The following NOS1 variants were observed in gnomAD, a reference collection of about 807,000 sequenced individuals.
The protein encoded by NOS1 is nitric oxide synthase 1, also known as NOS type I.
In NOS1, 51 loss-of-function variants were observed where a neutral mutation model predicts 164.5. The observed-to-expected ratio is 0.31, with a 90% confidence interval of 0.25 to 0.39. The LOEUF (loss-of-function observed/expected upper bound fraction) is 0.39, where lower values mean the gene tolerates loss of function less well. Among genes scored for constraint, NOS1 ranks in the 10% least tolerant of loss-of-function variants. NOS1 has a pLI of 1.00. For missense variants in NOS1, 1,362 were observed against 1,885.6 expected (o/e 0.72, Z 5.14); for synonymous variants, 719 against 745.8 (o/e 0.96, Z 0.59).
intron 3 of NOS1, among the ~76,000 whole-genome samples, chr12:117,303,641 T>C (rs1371329586): frequency 6.6e-6 from 1 of 152,192 alleles, no homozygotes; most frequent in Non-Finnish European, 1.5e-5. Context: ...AGGGTTTGAC[T>C]GATGCTTAAT....
intron 1 of NOS1, among the ~76,000 whole-genome samples, chr12:117,336,888 C>G (rs1040800889): frequency 3.9e-5 from 6 of 151,996 alleles, no homozygotes; most frequent in Non-Finnish European, 7.4e-5. Flanking sequence ...CCTCCACCTC[C>G]CAGGCTCAAG....
chr12:117,347,836 C>T (rs1365691935), intron 1 of NOS1, among the ~76,000 whole-genome samples: 1 of 152,176 alleles, frequency 6.6e-6, no homozygotes, highest in African/African-American at 2.4e-5. Flanking sequence ...AAGTCTGAAT[C>T]TGTTTCTTCT....
intron 1 of NOS1, among the ~76,000 whole-genome samples, chr12:117,333,947 A>C (rs909942149): frequency 6.6e-6 from 1 of 152,166 alleles, no homozygotes; most frequent in Non-Finnish European, 1.5e-5. Context: ...TCTCTTGAGC[A>C]TCCCGTTTGG....
At chr12:117,235,759 C>T (rs891551848) in intron 20 of NOS1, among the ~76,000 whole-genome samples, 3 of 152,122 alleles carry the variant, frequency 2.0e-5, no homozygotes, top group African/African-American at 7.2e-5. Context: ...AGTTTCAGTA[C>T]AGGCTGGGCA....
At chr12:117,316,824 G>A (rs759558659) in intron 2 of NOS1, among the ~76,000 whole-genome samples, 5 of 152,182 alleles carry the variant, frequency 3.3e-5, no homozygotes, top group Middle Eastern at 6.8e-3. Context: ...CTCCAAATGT[G>A]GTAGATGTGT....
At chr12:117,245,360 C>T (rs1372489700) in intron 18 of NOS1, among the ~76,000 whole-genome samples, 1 of 152,098 alleles carries the variant, frequency 6.6e-6, no homozygotes, top group Non-Finnish European at 1.5e-5. Flanking sequence ...ATTTATCCCC[C>T]GGTGGCCTTA....
chr12:117,336,260 A>G (rs1875815202), intron 1 of NOS1, among the ~76,000 whole-genome samples: 1 of 152,184 alleles, frequency 6.6e-6, no homozygotes, highest in Non-Finnish European at 1.5e-5. Context: ...GTCCTGGTTT[A>G]CCCGTGCTTT....
chr12:117,303,365 G>A (rs1873952037), intron 3 of NOS1, among the ~76,000 whole-genome samples: 2 of 152,164 alleles, frequency 1.3e-5, no homozygotes, highest in Admixed American at 6.5e-5. Flanking sequence ...TGGAAATAGG[G>A]AAAATCTTCT....
At chr12:117,335,729 T>TGG (rs368456314) in intron 1 of NOS1, among the ~76,000 whole-genome samples, 4 of 112,540 alleles carry the variant, frequency 3.6e-5, no homozygotes, top group African/African-American at 1.1e-4. Flanking sequence ...ACAGACTATA[T>TGG]GAGAGAGAGA....
In NOS1 at chr12:117,265,425, C is replaced by A; in HGVS notation, c.2027G>T (p.Gly676Val). ...GATCCACACCCAGTCGGCAGGGCAG[C>A]CCCCCCGGCAGCGGTACTCATTCTC... ...HMENEYRCRG[G>V]CPADWVWIVP... The change falls in exon 12 of 29, where the codon GGC becomes GTC. Residue 676 changes from glycine (G) to valine (V), a missense_variant. By Grantham distance (109) the Gly-to-Val change is moderately radical. Coordinates refer to ENST00000317775, the MANE Select transcript of NOS1 (RefSeq NM_000620.5). 6.3e-7 allele frequency: 1 copy of A among 1,584,472 alleles called. No homozygotes were observed. Among genetic ancestry groups the A allele is most frequent in the Non-Finnish European group, 8.6e-7 (1 of 1,165,178 alleles).
intron 11 of NOS1, 74 bp from the exon 12 acceptor site, chr12:117,265,584 G>T: frequency 8.5e-7 from 1 of 1,173,904 alleles, no homozygotes; most frequent in Non-Finnish European, 1.2e-6. Flanking sequence ...GCCCCAAAGA[G>T]CAGCATTTCC....
In NOS1 at chr12:117,331,115, A is replaced by G. The variant is rs749691329; in HGVS notation, c.-46T>C. On this transcript the variant is annotated 5_prime_UTR_variant, in exon 2 of 29. Coordinates refer to ENST00000317775, the MANE Select transcript of NOS1 (RefSeq NM_000620.5). ...TCCTGTCTGAAGACCTCACAATGCT[A>G]TCAGGCCAAGATGATTTCACCAGGA... 9 of 1,566,886 alleles carry G rather than the reference A, an allele frequency of 5.7e-6. No individual in the cohort carries two copies. The highest frequency in any genetic ancestry group is 7.8e-6 in the Non-Finnish European group (9 of 1,153,944).
At chr12:117,325,680 T>C (rs1049427181) in intron 2 of NOS1, among the ~76,000 whole-genome samples, 7 of 152,276 alleles carry the variant, frequency 4.6e-5, no homozygotes, top group Non-Finnish European at 5.9e-5. Flanking sequence ...TAAGGAAAAA[T>C]TGATTTACCC....
intron 1 of NOS1, among the ~76,000 whole-genome samples, chr12:117,352,750 G>A (rs577635940): frequency 7.9e-5 from 12 of 152,126 alleles, no homozygotes; most frequent in Admixed American, 1.3e-4. Context: ...ATGAGTGTGC[G>A]TATATGCATG....
chr12:117,234,657 A>T lies in NOS1; in HGVS notation c.3143T>A (p.Leu1048His). ...CAGCCGCTCGATCAGGGCATTCACG[A>T]GGTCCTCGTGGTTGCCAGGGAAGAC... ...LGVFPGNHED[L>H]VNALIERLED... The change falls in exon 21 of 29, where the codon CTC becomes CAC. Residue 1048 changes from leucine (L) to histidine (H), a missense_variant. By Grantham distance (99) the Leu-to-His change is moderately conservative (BLOSUM62 -3). Coordinates refer to ENST00000317775, the MANE Select transcript of NOS1 (RefSeq NM_000620.5). This position sits in a 1 kb window ranked among gnomAD's most constrained non-coding sequence, Gnocchi z 4.3. The T allele has an allele frequency of 6.2e-7, 1 of 1,614,160 alleles. No homozygotes were observed. The highest frequency in any genetic ancestry group is 1.1e-5 in the South Asian group (1 of 91,068).
rs138849075 is a variant in NOS1, at chr12:117,280,054, C to T, written c.1524+671G>A. On this transcript the variant is annotated intron_variant, in intron 8 of 28. Coordinates refer to ENST00000317775, the MANE Select transcript of NOS1 (RefSeq NM_000620.5). ...TGTGTGCCTGAGATCATTCTAGACA[C>T]GGGATGTGCTTGTGCTGTCATGTGG... Among the ~76,000 whole-genome samples, 391 of 152,274 alleles carry T rather than the reference C, an allele frequency of 2.6e-3. 3 individuals carry two copies. Among genetic ancestry groups the T allele is most frequent in the Middle Eastern group, 0.01 (3 of 294 alleles).
At position 117,280,712 on chromosome 12, in the gene NOS1, G is replaced by A. The variant is rs758803805; in HGVS notation, c.1524+13C>T. The A allele has an allele frequency of 6.2e-7, 1 of 1,610,746 alleles. No individual in the cohort carries two copies. The highest frequency in any genetic ancestry group is 8.5e-7 in the Non-Finnish European group (1 of 1,177,610). ...CCATGTTGGGGCAGGGTAGGGGGCG[G>A]AAACGCTCGCACCTCTGTGAACTGC... On this transcript the variant is annotated intron_variant, in intron 8 of 28. Transcript: ENST00000317775.
At chr12:117,249,248 C>T (rs1870898570) in intron 17 of NOS1, among the ~76,000 whole-genome samples, 1 of 152,160 alleles carries the variant, frequency 6.6e-6, no homozygotes, top group Non-Finnish European at 1.5e-5. Flanking sequence ...CCAAGCTCAT[C>T]TGTGGAAGGG....
intron 1 of NOS1, among the ~76,000 whole-genome samples, chr12:117,334,293 T>G (rs1169127791): frequency 1.3e-5 from 2 of 151,848 alleles, no homozygotes; most frequent in Non-Finnish European, 2.9e-5. Flanking sequence ...TTGGAAGGAG[T>G]TGGAAGGAAG....
Sources: allele counts gnomAD v4.1 joint callset (sites outside exome capture counted in the v4.1 genomes callset), GRCh38; gene constraint gnomAD v4.1.1; non-coding constraint Gnocchi (gnomAD v3.1); transcripts MANE v1.5; gene names NCBI Gene and HGNC (gene_info 2026-07-23, HGNC 2026-07-21).